NCOA3: variants seen among roughly 807,000 people sequenced by gnomAD.
NCOA3 encodes the protein CBP-interacting protein.
Under a neutral mutation model 158.8 loss-of-function variants are expected in NCOA3, and 51 were observed. The observed-to-expected ratio is 0.32, with a 90% CI of 0.26 to 0.41. NCOA3 has a LOEUF of 0.41. Among genes scored for constraint, NCOA3 ranks in the 10% least tolerant of loss-of-function variants. The pLI is 1.00. For synonymous variants in NCOA3, 537 were observed against 592.4 expected, an observed-to-expected ratio of 0.91 and a Z score of 1.36; for missense variants, 1,510 against 1,746.6, an observed-to-expected ratio of 0.86 and a Z score of 2.41.
intron 2 of NCOA3, among the ~76,000 whole-genome samples, chr20:47,617,531 A>T (rs1386142226): frequency 1.3e-5 from 2 of 152,132 alleles, no homozygotes; most frequent in African/African-American, 4.8e-5. Context: ...CTAGGCATTT[A>T]CCTTTTATAT....
intron 1 of NCOA3, among the ~76,000 whole-genome samples, chr20:47,518,149 C>G (rs1354243940): frequency 6.6e-6 from 1 of 151,482 alleles, no homozygotes; most frequent in Non-Finnish European, 1.5e-5. Flanking sequence ...GAGTTCATTA[C>G]AAGTCTGGGC....
At position 47,622,317 on chromosome 20, in the gene NCOA3, A is replaced by G. The variant is rs1022354382; in HGVS notation, c.70A>G (p.Thr24Ala). 33 of 1,601,850 alleles carry G rather than the reference A, an allele frequency of 2.1e-5. No individual in the cohort carries two copies. The highest frequency in any genetic ancestry group is 2.6e-5 in the Non-Finnish European group (31 of 1,174,428). ...DSRKRKLPCD[T>A]PGQGLTCSGE... Reference sequence around the variant, plus strand: ...ACGAAAACGCAAATTGCCATGTGATACTCCAGGACAAGGGTAGGTGACTTA... The same window carrying G: ...ACGAAAACGCAAATTGCCATGTGATGCTCCAGGACAAGGGTAGGTGACTTA... Residue 24 changes from threonine (T) to alanine (A), a missense_variant, in exon 3 of 23, where the codon ACT becomes GCT. Thr to Ala is a moderately conservative substitution (Grantham distance 58, BLOSUM62 0). Coordinates refer to ENST00000371998, the MANE Select transcript of NCOA3 (RefSeq NM_181659.3).
intron 1 of NCOA3, among the ~76,000 whole-genome samples, chr20:47,564,974 A>G (rs2085168802): frequency 6.6e-6 from 1 of 151,680 alleles, no homozygotes; most frequent in South Asian, 2.1e-4. Context: ...TCTGTTACTT[A>G]ACTATAGGGT....
intron 18 of NCOA3, 110 bp from the exon 19 acceptor site, chr20:47,648,895 G>T: frequency 1.6e-6 from 1 of 642,476 alleles, no homozygotes; most frequent in Admixed American, 2.7e-5. Flanking sequence ...ACTTAGCCAG[G>T]TTATTGTGTT....
At chr20:47,564,071 G>A (rs1451086500) in intron 1 of NCOA3, among the ~76,000 whole-genome samples, 1 of 151,686 alleles carries the variant, frequency 6.6e-6, no homozygotes. Context: ...GAGGCAAGAG[G>A]ATTGCTTGAG....
At chr20:47,565,449 T>C (rs2085177483) in intron 1 of NCOA3, among the ~76,000 whole-genome samples, 1 of 152,152 alleles carries the variant, frequency 6.6e-6, no homozygotes, top group Admixed American at 6.6e-5. Flanking sequence ...GCACAGTGAC[T>C]CACATCTGTA....
rs190114792 is a variant in NCOA3, at chr20:47,648,207, A to G, written c.3547-798A>G. Among the ~76,000 whole-genome samples the G allele has an allele frequency of 6.5e-4, 99 of 152,088 alleles. 1 individual carries two copies. Among genetic ancestry groups the G allele is most frequent in the Admixed American group, 5.2e-3 (80 of 15,272 alleles). On this transcript the variant is annotated intron_variant, in intron 18 of 22. Transcript: ENST00000371998. The stretch of plus-strand genomic sequence containing the variant: ...GGTGTGAGCCACCGTGTGCGGCCAA[A>G]TGCCTGAGTTTGGAATCCAAAGAGC...
chr20:47,526,438 G>T lies in NCOA3; in HGVS notation c.-99+24419G>T, dbSNP rs1032397716. On this transcript the variant is annotated intron_variant, in intron 1 of 22. Transcript: ENST00000371998. The stretch of plus-strand genomic sequence containing the variant: ...TGGGAGGTGGAGGTTGTAGCGAGCC[G>T]AGATCACGCCACTGCACTCCAGCCT... Among the ~76,000 whole-genome samples, 4 of 152,134 alleles carry T rather than the reference G, an allele frequency of 2.6e-5. No homozygotes were observed. The South Asian group carries it at 6.2e-4, about 24-fold the overall frequency.
At chr20:47,541,614 C>T (rs367593611) in intron 1 of NCOA3, among the ~76,000 whole-genome samples, 5 of 150,130 alleles carry the variant, frequency 3.3e-5, no homozygotes, top group African/African-American at 1.2e-4. Flanking sequence ...AACTCCTGGC[C>T]TCAAGTTACC....
chr20:47,522,099 CTTTT>C (rs772811888), intron 1 of NCOA3, among the ~76,000 whole-genome samples: 6 of 76,808 alleles, frequency 7.8e-5, no homozygotes, highest in East Asian at 3.3e-4. Context: ...TTGTACAGAT[CTTTT>C]TTTTTTTTTT....
chr20:47,516,853 G>A (rs1234495685), intron 1 of NCOA3, among the ~76,000 whole-genome samples: 6 of 151,290 alleles, frequency 4.0e-5, no homozygotes, highest in Non-Finnish European at 7.4e-5. Flanking sequence ...CTTGAACTGA[G>A]GAGGCAGAGA....
chr20:47,561,149 A>AT lies in NCOA3; in HGVS notation c.-98-22028dup, dbSNP rs1403084111. Among the ~76,000 whole-genome samples the AT allele has an allele frequency of 4.7e-5, 7 of 150,312 alleles. No individual in the cohort carries two copies. The East Asian group carries it at 1.2e-3, about 25-fold the overall frequency. On this transcript the variant is annotated intron_variant, in intron 1 of 22. Transcript: ENST00000371998. ...CCACCATACTCAGCTACTTTTTTGT[A>AT]TTTTTTGTAGAGACAGGGTTTCGCC...
intron 1 of NCOA3, among the ~76,000 whole-genome samples, chr20:47,540,192 A>AAGATAGTCAACTTTGGCTTGG (rs1349308242): frequency 6.6e-6 from 1 of 152,160 alleles, no homozygotes; most frequent in Admixed American, 6.6e-5. Flanking sequence ...CTTTGGCTTG[A>AAGATAGTCAACTTTGGCTTGG]AGATAGTCAA....
intron 1 of NCOA3, among the ~76,000 whole-genome samples, chr20:47,550,618 T>C (rs2084914226): frequency 6.6e-6 from 1 of 152,182 alleles, no homozygotes; most frequent in African/African-American, 2.4e-5. Context: ...CAAATTGCTC[T>C]CTGAGAGATC....
chr20:47,645,301 T>C (rs2086669572), intron 17 of NCOA3, among the ~76,000 whole-genome samples: 1 of 152,022 alleles, frequency 6.6e-6, no homozygotes. Context: ...AGGGAGGTAG[T>C]TGACCTCCTG....
At chr20:47,547,821 T>C (rs1228069071) in intron 1 of NCOA3, among the ~76,000 whole-genome samples, 3 of 152,100 alleles carry the variant, frequency 2.0e-5, no homozygotes, top group Non-Finnish European at 4.4e-5. Context: ...GTTCAAGCGA[T>C]TGTCGTGCCT....
At chr20:47,616,739 T>C (rs2086145964) in intron 2 of NCOA3, among the ~76,000 whole-genome samples, 2 of 152,208 alleles carry the variant, frequency 1.3e-5, no homozygotes, top group Admixed American at 1.3e-4. Context: ...AAAAGGCTTC[T>C]GAGACTGGAT....
chr20:47,636,044 A>G lies in NCOA3; in HGVS notation c.1658A>G (p.Asn553Ser). 1 of 1,614,158 alleles carries G rather than the reference A, an allele frequency of 6.2e-7. No individual in the cohort carries two copies. Among genetic ancestry groups the G allele is most frequent in the Non-Finnish European group, 8.5e-7 (1 of 1,180,024 alleles). ...GGCCCCAAATTGGATAACTCTCCCA[A>G]TATGAATATTACCCAACCAAGTAAA... is the stretch of plus-strand genomic sequence containing the variant. ...SPGPKLDNSP[N>S]MNITQPSKVS... The change falls in exon 12 of 23, where the codon AAT becomes AGT. Residue 553 changes from asparagine to serine, a missense_variant. Coordinates refer to ENST00000371998, the MANE Select transcript of NCOA3 (RefSeq NM_181659.3).
chr20:47,502,499 G>T (rs2083952090), intron 1 of NCOA3, among the ~76,000 whole-genome samples: 1 of 152,116 alleles, frequency 6.6e-6, no homozygotes, highest in South Asian at 2.1e-4. Flanking sequence ...AGCCGGGTGA[G>T]ATTTGGTTGC....
Sources: gnomAD v4.1 joint callset for allele counts (sites outside exome capture counted in the v4.1 genomes callset) on GRCh38, gnomAD v4.1.1 for gene constraint, MANE v1.5 for transcripts, NCBI Gene and HGNC (gene_info 2026-07-23, HGNC 2026-07-21) for gene names.